Variants in GATA2 observed in about 807,000 individuals in gnomAD.
The protein encoded by GATA2 is endothelial transcription factor GATA-2.
Under a neutral mutation model 35.7 loss-of-function variants are expected in GATA2, and 6 were observed. The ratio of observed to expected loss-of-function variants is 0.17; its 90% CI spans 0.09 to 0.33. GATA2 has a LOEUF of 0.33. Among genes scored for constraint, GATA2 ranks in the 10% least tolerant of loss-of-function variants. The probability of loss-of-function intolerance (pLI) is 1.00; values close to 1 mark genes in which losing one functional copy is unlikely to be tolerated. For missense variants in GATA2, 541 were observed against 656.6 expected (o/e 0.82, Z 1.92); for synonymous variants, 313 against 274.9 (o/e 1.14, Z -1.37).
chr3:128,485,645 C>T (rs2107671723), intron 3 of GATA2, 82 bp downstream of exon 3: 4 of 1,512,278 alleles, frequency 2.6e-6, no homozygotes, highest in Non-Finnish European at 1.8e-6. Context: ...ACCAACACTG[C>T]CACCTCTCCC....
At chr3:128,484,765 C>T (rs992846590) in intron 3 of GATA2, among the ~76,000 whole-genome samples, 1 of 151,966 alleles carries the variant, frequency 6.6e-6, no homozygotes, top group Non-Finnish European at 1.5e-5. Context: ...GACCCTGAGC[C>T]GGGGCTCAGC....
rs2068687757 is a variant in GATA2, at chr3:128,485,834, G to A, written c.764C>T (p.Ala255Val). 1.2e-6 allele frequency: 2 copies of A among 1,614,020 alleles called. No homozygotes were observed. Among genetic ancestry groups the A allele is most frequent in the Non-Finnish European group, 8.5e-7 (1 of 1,179,918 alleles). ...TCCGCTGCTGTAGTCGTGGGCAGCC[G>A]CCGGCACATAGGAGGGGTAGGTGGG... Reference protein sequence around the residue: ...PIPTYPSYVPAAAHDYSSGLF... With the variant: ...PIPTYPSYVPVAAHDYSSGLF... Residue 255 changes from alanine to valine, a missense_variant, in exon 3 of 6, where the codon GCG (alanine) becomes GTG (valine). Around this residue, in one of 5 missense-constraint regions of GATA2, gnomAD observed 389 missense variants for 396.9 expected, o/e 0.98. Coordinates refer to ENST00000341105, the MANE Select transcript of GATA2 (RefSeq NM_032638.5).
intron 3 of GATA2, 150 bp downstream of exon 3, chr3:128,485,577 C>G: frequency 9.8e-7 from 1 of 1,018,482 alleles, no homozygotes; most frequent in Admixed American, 2.5e-5. Flanking sequence ...ACCCGGGGGT[C>G]TCAAACATCT....
chr3:128,480,975 C>T lies in GATA2; in HGVS notation c.*44G>A. On this transcript the variant is annotated 3_prime_UTR_variant, in exon 6 of 6. Transcript: ENST00000341105. ...AATGCTGGGCTGCTAAGGGTTTGGTCCACCCATCCCGGGAGTGCCCGGTCC... is the reference window on the plus strand; with the variant it reads ...AATGCTGGGCTGCTAAGGGTTTGGTTCACCCATCCCGGGAGTGCCCGGTCC... 1 of 1,496,324 alleles carries T rather than the reference C, an allele frequency of 6.7e-7. No individual in the cohort carries two copies. The highest frequency in any genetic ancestry group is 8.9e-7 in the Non-Finnish European group (1 of 1,120,618). 92.7% of individuals were successfully genotyped at this position (1,496,324 alleles called of 1,614,324 possible).
chr3:128,486,636 C>T (rs573403839), intron 2 of GATA2, among the ~76,000 whole-genome samples, 167 bp downstream of exon 2: 1 of 152,260 alleles, frequency 6.6e-6, no homozygotes, highest in Non-Finnish European at 1.5e-5. Context: ...CCCTGTGGGT[C>T]CCAGACCCTC....
chr3:128,486,670 T>G, intron 2 of GATA2, 133 bp downstream of exon 2: 1 of 962,140 alleles, frequency 1.0e-6, no homozygotes, highest in Non-Finnish European at 1.6e-6. Context: ...TGCTCCCACC[T>G]CTCCCGCCCC....
intron 2 of GATA2, 84 bp from the exon 3 acceptor site, chr3:128,486,452 T>G: frequency 6.6e-7 from 1 of 1,505,452 alleles, no homozygotes; most frequent in East Asian, 2.3e-5. Flanking sequence ...GACATTGAGA[T>G]CACGACTCCC....
Position 128,480,957 on chromosome 3 carries a change from GGCT to G in GATA2, c.*59_*61del. 1 of 1,460,492 alleles carries G rather than the reference GGCT, an allele frequency of 6.8e-7. No homozygotes were observed. Among genetic ancestry groups the G allele is most frequent in the African/African-American group, 1.4e-5 (1 of 71,094 alleles). The allele number at this position is 1,460,492 out of a possible 1,614,324, so 90.5% of individuals were successfully genotyped here. A position where few individuals can be genotyped will look rare whatever the true frequency, so the allele number is the denominator to read the frequency against. ...TGGTGTCGGCCTTCGGGAAATGCTG[GGCT>G]GCTAAGGGTTTGGTCCACCCATCCC... On this transcript the variant is annotated 3_prime_UTR_variant, in exon 6 of 6. Coordinates refer to ENST00000341105, the MANE Select transcript of GATA2 (RefSeq NM_032638.5).
rs763735447 is a variant in GATA2, at chr3:128,486,843, G to A, written c.189C>T (p.Pro63=). Residue 63 remains proline, a synonymous_variant, in exon 2 of 6, where the codon CCC becomes CCT. Coordinates refer to ENST00000341105, the MANE Select transcript of GATA2 (RefSeq NM_032638.5). The part of the protein sequence containing the change: ...DSQGNPYYAN[P]AHARARVSYS... ...AGGAGACGCGCGCCCGCGCGTGAGC[G>A]GGGTTGGCATAGTAGGGGTTGCCCT... is the stretch of plus-strand genomic sequence containing the variant. 59 of 1,611,696 alleles carry A rather than the reference G, an allele frequency of 3.7e-5. 3 individuals carry two copies. In the Middle Eastern group the frequency reaches 6.3e-3, roughly 171 times the overall value.
rs146554939 is a variant in GATA2, at chr3:128,481,188, G to A, written c.1274C>T (p.Ser425Leu). The part of the protein sequence containing the change: ...EELSKCMQEK[S>L]SPFSAAALAG... ...CAGGGCAGCTGCACTGAAGGGGGAT[G>A]ACTTCTCCTGCATGCACTTTGACAG... The change falls in exon 6 of 6, where the codon TCA becomes TTA. Residue 425 changes from serine to leucine, a missense_variant. Ser to Leu is a moderately radical substitution (Grantham distance 145, BLOSUM62 -2). This residue lies in a region of GATA2 where 95 missense variants were observed against 114.0 expected (regional missense o/e 0.83). Transcript: ENST00000341105. 5.0e-5 allele frequency: 80 copies of A among 1,614,128 alleles called. No individual in the cohort carries two copies. The highest frequency in any genetic ancestry group is 6.3e-5 in the Non-Finnish European group (74 of 1,180,054).
chr3:128,491,207 A>T (rs2068762904), intron 1 of GATA2, among the ~76,000 whole-genome samples: 1 of 24,662 alleles, frequency 4.1e-5, no homozygotes, highest in Admixed American at 5.3e-4. Context: ...CCGGCCGTCC[A>T]GCCCCCCCCC....
chr3:128,481,762 C>A, intron 5 of GATA2, 57 bp downstream of exon 5: 1 of 1,577,768 alleles, frequency 6.3e-7, no homozygotes, highest in Non-Finnish European at 8.6e-7. Context: ...TGCCTGGCAG[C>A]ACAAAGCGCA....
chr3:128,491,733 G>A (rs2068770951), intron 1 of GATA2, among the ~76,000 whole-genome samples: 1 of 151,980 alleles, frequency 6.6e-6, no homozygotes, highest in Admixed American at 6.5e-5. Context: ...TAGGTGTCTC[G>A]GCACCCTGGA....
chr3:128,486,975 C>T lies in GATA2; in HGVS notation c.57G>A (p.Ala19=). 1 of 1,610,586 alleles carries T rather than the reference C, an allele frequency of 6.2e-7. No individual in the cohort carries two copies. Among genetic ancestry groups the T allele is most frequent in the Non-Finnish European group, 8.5e-7 (1 of 1,178,528 alleles). Residue 19 remains alanine (A), a synonymous_variant, in exon 2 of 6, where the codon GCG becomes GCA. Transcript: ENST00000341105. ...CCGGGTGGTGTGAGTCGGGGTGCTG[C>T]GCATTCAGCACGGCCGGGTGCGCCA... is the stretch of plus-strand genomic sequence containing the variant. ...RWMAHPAVLN[A]QHPDSHHPGL... is the part of the protein sequence containing the mutation.
At position 128,491,208 on chromosome 3, in the gene GATA2, G is replaced by GCCCCCCCCCCCC. The variant is rs373070119; in HGVS notation, c.-46+1679_-46+1690dup. Among the ~76,000 whole-genome samples, 3 of 107,390 alleles carry GCCCCCCCCCCCC rather than the reference G, an allele frequency of 2.8e-5. 1 individual carries two copies. Among genetic ancestry groups the GCCCCCCCCCCCC allele is most frequent in the African/African-American group, 1.2e-4 (3 of 24,186 alleles). 70.5% of individuals were successfully genotyped at this position (107,390 alleles called of 152,430 possible). The stretch of plus-strand genomic sequence containing the variant: ...ATGCCCAGGTCTCCCCGGCCGTCCA[G>GCCCCCCCCCCCC]CCCCCCCCCCCCTCTGAGCCCTTTG... On this transcript the variant is annotated intron_variant, in intron 1 of 5. Coordinates refer to ENST00000341105, the MANE Select transcript of GATA2 (RefSeq NM_032638.5).
At chr3:128,485,139 G>GC (rs2068678021) in intron 3 of GATA2, among the ~76,000 whole-genome samples, 1 of 152,178 alleles carries the variant, frequency 6.6e-6, no homozygotes, top group Non-Finnish European at 1.5e-5. Context: ...GAGGGAGAGG[G>GC]AAGGGCCTGG....
intron 2 of GATA2, 132 bp downstream of exon 2, chr3:128,486,671 C>A: frequency 1.0e-6 from 1 of 1,003,208 alleles, no homozygotes; most frequent in Non-Finnish European, 1.5e-6. Context: ...GCTCCCACCT[C>A]TCCCGCCCCA....
At chr3:128,492,543 G>C (rs1443559623) in intron 1 of GATA2, among the ~76,000 whole-genome samples, 1 of 152,206 alleles carries the variant, frequency 6.6e-6, no homozygotes, top group Admixed American at 6.5e-5. Flanking sequence ...GGCCCGGCTC[G>C]GACGCATCCG....
At position 128,492,960 on chromosome 3, in the gene GATA2, G is replaced by A. The variant is rs923366982; in HGVS notation, c.-107C>T. 1 of 153,028 alleles carries A rather than the reference G, an allele frequency of 6.5e-6. No individual in the cohort carries two copies. The highest frequency in any genetic ancestry group is 1.9e-4 in the East Asian group (1 of 5,180). 9.5% of individuals were successfully genotyped at this position (153,028 alleles called of 1,614,324 possible). ...GGGGCCTGGAGTAGAGCTGGGAGCA[G>A]GGCGAGGTGCGCGGCAGGCGGGCTC... On this transcript the variant is annotated 5_prime_UTR_variant, in exon 1 of 6. Transcript: ENST00000341105.
Sources: allele counts gnomAD v4.1 joint callset (sites outside exome capture counted in the v4.1 genomes callset), GRCh38; gene constraint gnomAD v4.1.1; regional missense constraint gnomAD v4.1.1; transcripts MANE v1.5; gene names NCBI Gene and HGNC (gene_info 2026-07-23, HGNC 2026-07-21).